Variants in FAM111B observed in about 807,000 individuals in gnomAD.
FAM111B encodes the protein FAM111 trypsin like peptidase B.
In FAM111B, 1 loss-of-function variant was observed where a neutral mutation model predicts 2.8. The ratio of observed to expected loss-of-function variants is 0.36; its 90% CI spans 0.13 to 1.70. The LOEUF is 1.70. FAM111B is among the 40% of genes most tolerant of loss of function. FAM111B has a pLI of 0.35. For missense variants in FAM111B, 882 were observed against 878.9 expected, an observed-to-expected ratio of 1.00 and a Z score of -0.04; for synonymous variants, 297 against 295.6, an observed-to-expected ratio of 1.00 and a Z score of -0.05.
intron 3 of FAM111B, among the ~76,000 whole-genome samples, chr11:59,117,004 A>G (rs551585891): frequency 1.6e-4 from 25 of 152,326 alleles, no homozygotes; most frequent in African/African-American, 5.3e-4. Context: ...GAATCAGGTG[A>G]ACATCTCAAT....
chr11:59,108,559 T>C (rs928792921), intron 1 of FAM111B, 109 bp from the exon 2 acceptor site: 2 of 157,764 alleles, frequency 1.3e-5, no homozygotes. Flanking sequence ...AAGTGGATTA[T>C]AGGATACATT....
At position 59,126,776 on chromosome 11, in the gene FAM111B, C is replaced by T. The variant is rs892612964; in HGVS notation, c.*474C>T. ...GCGAGGTTGCAGAGAAAGGGGAATG[C>T]TTATACACTGCTAGTGGGAAAATAA... is the stretch of plus-strand genomic sequence containing the variant. On this transcript the variant is annotated 3_prime_UTR_variant, in exon 4 of 4. Transcript: ENST00000343597. 6.3e-6 allele frequency: 1 copy of T among 158,262 alleles called. No individual in the cohort carries two copies. Among genetic ancestry groups the T allele is most frequent in the Non-Finnish European group, 1.5e-5 (1 of 68,242 alleles). The allele number at this position is 158,262 out of a possible 1,614,324, so 9.8% of individuals were successfully genotyped here.
intron 3 of FAM111B, 67 bp from the exon 4 acceptor site, chr11:59,124,112 C>T: frequency 9.1e-7 from 1 of 1,101,654 alleles, no homozygotes. Context: ...TTAGTTCTAT[C>T]ATTAGAAAAA....
chr11:59,107,489 G>C (rs1859681715), intron 1 of FAM111B, among the ~76,000 whole-genome samples, 193 bp downstream of exon 1: 1 of 152,202 alleles, frequency 6.6e-6, no homozygotes, highest in Admixed American at 6.5e-5. Flanking sequence ...GAGATACTTA[G>C]AGATCATCTG....
intron 3 of FAM111B, among the ~76,000 whole-genome samples, chr11:59,122,102 A>G (rs1172175984): frequency 6.6e-6 from 1 of 152,256 alleles, no homozygotes; most frequent in African/African-American, 2.4e-5. Context: ...AGATTGTGCC[A>G]CTGCACTCCA....
chr11:59,110,818 G>C (rs1273604795), intron 3 of FAM111B, among the ~76,000 whole-genome samples: 1 of 152,150 alleles, frequency 6.6e-6, no homozygotes, highest in Non-Finnish European at 1.5e-5. Flanking sequence ...AGCTGCATTT[G>C]ATGCTTTATA....
intron 2 of FAM111B, among the ~76,000 whole-genome samples, chr11:59,109,236 T>A (rs927069836): frequency 2.0e-5 from 3 of 152,226 alleles, no homozygotes; most frequent in Non-Finnish European, 2.9e-5. Flanking sequence ...GGATACCCAC[T>A]GCAGATCTCT....
In FAM111B at chr11:59,109,682, G is replaced by C; in HGVS notation, c.57G>C (p.Gln19His). ...NKSFSAMEDD[Q>H]RTRPEVSKDT... Reference sequence around the variant, plus strand: ...CATTTAGCGCTATGGAAGATGACCAGAGGACTAGACCTGAAGTTTCAAAGG... The same window carrying C: ...CATTTAGCGCTATGGAAGATGACCACAGGACTAGACCTGAAGTTTCAAAGG... The change falls in exon 3 of 4, where the codon CAG becomes CAC. Residue 19 changes from glutamine to histidine, a missense_variant. Coordinates refer to ENST00000343597, the MANE Select transcript of FAM111B (RefSeq NM_198947.4). 6.2e-7 allele frequency: 1 copy of C among 1,612,344 alleles called. No homozygotes were observed.
Position 59,125,743 on chromosome 11 carries a change from A to T in FAM111B, c.1646A>T (p.Lys549Ile). 6 of 1,613,814 alleles carry T rather than the reference A, an allele frequency of 3.7e-6. No individual in the cohort carries two copies. The highest frequency in any genetic ancestry group is 5.1e-6 in the Non-Finnish European group (6 of 1,179,812). Residue 549 changes from lysine to isoleucine, a missense_variant, in exon 4 of 4, where the codon AAA (lysine) becomes ATA (isoleucine). Physicochemically the swap from Lys to Ile is moderately radical, Grantham distance 102 (BLOSUM62 -3). Transcript: ENST00000343597. Reference protein sequence around the residue: ...SNENLDYAILKLKENGNAFPP... With the variant: ...SNENLDYAILILKENGNAFPP... ...GAAAATCTAGATTATGCCATTTTAA[A>T]ACTAAAAGAAAATGGAAATGCGTTT...
At chr11:59,112,749 T>C (rs1476426215) in intron 3 of FAM111B, among the ~76,000 whole-genome samples, 1 of 152,256 alleles carries the variant, frequency 6.6e-6, no homozygotes, top group Non-Finnish European at 1.5e-5. Flanking sequence ...CTATGACTCA[T>C]GATTTGAGCA....
rs1860038941 is a variant in FAM111B, at chr11:59,126,532, G to A, written c.*230G>A. On this transcript the variant is annotated 3_prime_UTR_variant, in exon 4 of 4. Transcript: ENST00000343597. The stretch of plus-strand genomic sequence containing the variant: ...AGATCTAATATTCAGAATCCATTAG[G>A]AACTTAAACAGATTAACAAGCAAAA... The A allele has an allele frequency of 5.6e-6, 2 of 359,816 alleles. No homozygotes were observed. Among genetic ancestry groups the A allele is most frequent in the Non-Finnish European group, 9.9e-6 (2 of 202,432 alleles). The allele number at this position is 359,816 out of a possible 1,614,324, so 22.3% of individuals were successfully genotyped here. A position where few individuals can be genotyped will look rare whatever the true frequency, so the allele number is the denominator to read the frequency against.
chr11:59,123,339 A>G (rs747183345), intron 3 of FAM111B, among the ~76,000 whole-genome samples: 2 of 152,232 alleles, frequency 1.3e-5, no homozygotes, highest in Non-Finnish European at 2.9e-5. Context: ...TAAAATAGTA[A>G]CACTCAAATC....
At chr11:59,119,129 T>C (rs757529324) in intron 3 of FAM111B, among the ~76,000 whole-genome samples, 6 of 152,202 alleles carry the variant, frequency 3.9e-5, no homozygotes, top group Non-Finnish European at 7.3e-5. Flanking sequence ...TATTTTTGGG[T>C]AGCTGATTTC....
At chr11:59,120,439 T>C (rs1426002177) in intron 3 of FAM111B, among the ~76,000 whole-genome samples, 2 of 152,226 alleles carry the variant, frequency 1.3e-5, no homozygotes, top group African/African-American at 2.4e-5. Flanking sequence ...GGGCTCTACA[T>C]AATGTATTTT....
chr11:59,119,339 C>G (rs76940393), intron 3 of FAM111B, among the ~76,000 whole-genome samples: 59 of 152,340 alleles, frequency 3.9e-4, no homozygotes, highest in African/African-American at 1.4e-3. Context: ...CCTAGAACCT[C>G]TTTTCAGGCA....
chr11:59,115,512 A>G (rs575364837), intron 3 of FAM111B, among the ~76,000 whole-genome samples: 3 of 152,370 alleles, frequency 2.0e-5, no homozygotes, highest in African/African-American at 7.2e-5. Flanking sequence ...AGTTTCCCAG[A>G]CAAGGCTTTA....
Position 59,109,691 on chromosome 11 carries a change from A to ACCTGAAGT in FAM111B, c.67_74dup (p.Ser26LeufsTer9). 6.2e-7 allele frequency: 1 copy of ACCTGAAGT among 1,611,282 alleles called. No homozygotes were observed. Among genetic ancestry groups the ACCTGAAGT allele is most frequent in the Admixed American group, 1.7e-5 (1 of 59,906 alleles). On this transcript the variant is annotated frameshift_variant, in exon 3 of 4. Transcript: ENST00000343597. LOFTEE classifies it low-confidence loss of function (END_TRUNC). ...CTATGGAAGATGACCAGAGGACTAG[A>ACCTGAAGT]CCTGAAGTTTCAAAGGTATATCTAC...
In FAM111B at chr11:59,125,716, A is replaced by G. The variant is rs142880803; in HGVS notation, c.1619A>G (p.Asn540Ser). The G allele has an allele frequency of 8.6e-5, 138 of 1,613,722 alleles. No individual in the cohort carries two copies. Among genetic ancestry groups the G allele is most frequent in the Middle Eastern group, 3.3e-4 (2 of 6,084 alleles). The change falls in exon 4 of 4, where the codon AAT (asparagine) becomes AGT (serine). Residue 540 changes from asparagine (N) to serine (S), a missense_variant. Physicochemically the swap from Asn to Ser is conservative, Grantham distance 46. Coordinates refer to ENST00000343597, the MANE Select transcript of FAM111B (RefSeq NM_198947.4). ...ATTGAGCCATGGCTTAAAGTGTCCA[A>G]TGAAAATCTAGATTATGCCATTTTA... The part of the protein sequence containing the change: ...FSIEPWLKVS[N>S]ENLDYAILKL...
chr11:59,117,378 G>A (rs187273716), intron 3 of FAM111B, among the ~76,000 whole-genome samples: 25 of 152,208 alleles, frequency 1.6e-4, no homozygotes, highest in Middle Eastern at 3.4e-3. Context: ...CATTTGTTTC[G>A]CACATTTGCT....
Sources: gnomAD v4.1 joint callset for allele counts (sites outside exome capture counted in the v4.1 genomes callset) on GRCh38, gnomAD v4.1.1 for gene constraint, MANE v1.5 for transcripts, NCBI Gene and HGNC (gene_info 2026-07-23, HGNC 2026-07-21) for gene names.